CFAP61: variants seen among roughly 807,000 people sequenced by gnomAD.
CFAP61 encodes cilia and flagella associated protein 61.
A neutral mutation model predicts 135.6 loss-of-function variants in CFAP61; 107 were observed. The ratio of observed to expected loss-of-function variants is 0.79; its 90% CI spans 0.67 to 0.93. The LOEUF (loss-of-function observed/expected upper bound fraction) is 0.93. CFAP61 is among the 40% of genes least tolerant of loss of function. The pLI, the probability that CFAP61 is intolerant of heterozygous loss-of-function variation, is 0.00. For synonymous variants in CFAP61, 575 were observed against 578.5 expected (o/e 0.99, Z 0.09); for missense variants, 1,507 against 1,556.2 (o/e 0.97, Z 0.53).
intron 25 of CFAP61, among the ~76,000 whole-genome samples, chr20:20,317,501 C>G (rs1256735885): frequency 6.6e-6 from 1 of 152,218 alleles, no homozygotes; most frequent in Non-Finnish European, 1.5e-5. Context: ...TTTCACTTCT[C>G]TTTTAAAGAT....
chr20:20,287,990 T>G (rs942227908), intron 22 of CFAP61, among the ~76,000 whole-genome samples: 1 of 152,164 alleles, frequency 6.6e-6, no homozygotes, highest in African/African-American at 2.4e-5. Flanking sequence ...GTGCCTGGCA[T>G]ATGGTAGGTA....
intron 12 of CFAP61, among the ~76,000 whole-genome samples, chr20:20,168,834 T>G (rs758057189): frequency 2.3e-4 from 35 of 152,152 alleles, no homozygotes; most frequent in Non-Finnish European, 4.3e-4. Context: ...CACGTCATGA[T>G]AAAATACGTA....
At chr20:20,187,195 C>G (rs1423866787) in intron 13 of CFAP61, among the ~76,000 whole-genome samples, 1 of 152,218 alleles carries the variant, frequency 6.6e-6, no homozygotes, top group Non-Finnish European at 1.5e-5. Flanking sequence ...TCTCTATACC[C>G]TTGTCCAGGA....
intron 25 of CFAP61, among the ~76,000 whole-genome samples, chr20:20,300,162 G>A (rs1569267413): frequency 6.6e-6 from 1 of 152,172 alleles, no homozygotes; most frequent in Non-Finnish European, 1.5e-5. Flanking sequence ...TGGTATAAAA[G>A]CATAGCACAC....
At chr20:20,267,467 G>A (rs958181172) in intron 21 of CFAP61, 4 of 152,656 alleles carry the variant, frequency 2.6e-5, no homozygotes, top group African/African-American at 9.6e-5. Context: ...CCAGCAGAGA[G>A]AAGGTGACCA....
Position 20,169,416 on chromosome 20 carries a change from C to T in CFAP61, c.1341C>T (p.Thr447=), listed in dbSNP as rs775225029. 9.3e-6 allele frequency: 15 copies of T among 1,613,814 alleles called. No homozygotes were observed. Among genetic ancestry groups the T allele is most frequent in the Non-Finnish European group, 1.3e-5 (15 of 1,179,924 alleles). ...AAATGGTCCCTTTCAACACCTGCAC[C>T]CTCGAGCAGGACCTCTACGTCTTCC... ...FVKMVPFNTC[T]LEQDLYVFHR... is the part of the protein sequence containing the mutation. The change falls in exon 13 of 27, where the codon ACC becomes ACT. Residue 447 remains threonine (T), a synonymous_variant. Transcript: ENST00000245957.
chr20:20,057,687 A>C (rs2044475240), intron 2 of CFAP61, among the ~76,000 whole-genome samples: 1 of 152,108 alleles, frequency 6.6e-6, no homozygotes, highest in South Asian at 2.1e-4. Context: ...CCAAAATATA[A>C]ATATCCTTGA....
intron 8 of CFAP61, among the ~76,000 whole-genome samples, chr20:20,127,772 C>G (rs1411282871): frequency 6.6e-6 from 1 of 151,620 alleles, no homozygotes. Flanking sequence ...TGCTCTTTGT[C>G]TTCAGCTACC....
At chr20:20,068,668 C>T (rs991733527) in intron 2 of CFAP61, among the ~76,000 whole-genome samples, 46 of 152,300 alleles carry the variant, frequency 3.0e-4, no homozygotes, top group African/African-American at 9.4e-4. Context: ...CCCGTACATC[C>T]GGTGGTACCC....
chr20:20,069,055 A>T (rs200182), intron 2 of CFAP61, among the ~76,000 whole-genome samples: 115,939 of 152,154 alleles, frequency 0.76, 44,389 homozygotes, highest in East Asian at 0.97. Context: ...TACCTTCTAT[A>T]TATACCGAGA....
intron 17 of CFAP61, among the ~76,000 whole-genome samples, chr20:20,202,972 G>A (rs1454075881): frequency 2.0e-5 from 3 of 152,114 alleles, no homozygotes; most frequent in African/African-American, 4.8e-5. Context: ...GGGATAGAAA[G>A]CATTTCATCT....
rs557037250 is a variant in CFAP61, at chr20:20,071,489, A to G, written c.294+485A>G. Among the ~76,000 whole-genome samples the G allele has an allele frequency of 2.6e-4, 40 of 152,308 alleles. No individual in the cohort carries two copies. The South Asian group carries it at 8.1e-3, about 31-fold the overall frequency. ...CTGACACATGACAACTTGTCAGCCAACAGAAGCTAGGTTAGTGGTTCCCAG... is the reference window on the plus strand; with the variant it reads ...CTGACACATGACAACTTGTCAGCCAGCAGAAGCTAGGTTAGTGGTTCCCAG... On this transcript the variant is annotated intron_variant, in intron 3 of 26. Coordinates refer to ENST00000245957, the MANE Select transcript of CFAP61 (RefSeq NM_015585.4).
intron 21 of CFAP61, among the ~76,000 whole-genome samples, chr20:20,269,130 T>TACACACACACACACACACACAC (rs2053064700): frequency 1.2e-5 from 1 of 82,684 alleles, no homozygotes; most frequent in African/African-American, 4.3e-5. Flanking sequence ...TATATATATA[T>TACACACACACACACACACACAC]ATATATATAT....
At chr20:20,352,935 A>G (rs983416989) in intron 26 of CFAP61, among the ~76,000 whole-genome samples, 11 of 152,276 alleles carry the variant, frequency 7.2e-5, no homozygotes, top group African/African-American at 2.2e-4. Context: ...CAAATCATAC[A>G]TCTGATTTGA....
intron 8 of CFAP61, among the ~76,000 whole-genome samples, chr20:20,120,059 G>T (rs2049489405): frequency 6.6e-6 from 1 of 152,198 alleles, no homozygotes; most frequent in Non-Finnish European, 1.5e-5. Flanking sequence ...TTTATGAATA[G>T]TGCTTCAGTG....
intron 25 of CFAP61, among the ~76,000 whole-genome samples, chr20:20,312,936 T>G (rs1360386936): frequency 6.6e-6 from 1 of 152,236 alleles, no homozygotes; most frequent in Non-Finnish European, 1.5e-5. Flanking sequence ...CTTGAGTTAT[T>G]CTGTATCTCA....
intron 22 of CFAP61, among the ~76,000 whole-genome samples, chr20:20,277,669 C>T (rs912677346): frequency 1.3e-5 from 2 of 152,212 alleles, no homozygotes; most frequent in South Asian, 4.1e-4. Flanking sequence ...TCTTATCTCT[C>T]CTGGTTTTTT....
At chr20:20,134,517 G>C (rs548356823) in intron 8 of CFAP61, among the ~76,000 whole-genome samples, 121 of 152,256 alleles carry the variant, frequency 7.9e-4, no homozygotes, top group African/African-American at 2.8e-3. Context: ...TATTTAATTA[G>C]AATGCATTAC....
chr20:20,142,186 G>T (rs2146750346), intron 8 of CFAP61, among the ~76,000 whole-genome samples: 1 of 152,306 alleles, frequency 6.6e-6, no homozygotes, highest in South Asian at 2.1e-4. Context: ...TTTAGTAAAG[G>T]TTAAATACAT....
Sources: allele counts gnomAD v4.1 joint callset (sites outside exome capture counted in the v4.1 genomes callset), GRCh38; gene constraint gnomAD v4.1.1; transcripts MANE v1.5; gene names NCBI Gene and HGNC (gene_info 2026-07-23, HGNC 2026-07-21).